The following SLC35A1 variants were observed in gnomAD, a reference collection of about 807,000 sequenced individuals.
The protein encoded by SLC35A1 is solute carrier family 35 member A1.
Under a neutral mutation model 40.3 loss-of-function variants are expected in SLC35A1, and 21 were observed. The observed-to-expected ratio is 0.52, with a 90% CI of 0.37 to 0.75. SLC35A1 has a LOEUF of 0.75. Ranked by LOEUF, SLC35A1 falls within the 30% of genes least tolerant of loss-of-function variation. The pLI is 0.00. For missense variants in SLC35A1, 297 were observed against 382.1 expected, an observed-to-expected ratio of 0.78 and a Z score of 1.86; for synonymous variants, 146 against 147.3, an observed-to-expected ratio of 0.99 and a Z score of 0.06.
chr6:87,510,998 C>T (rs975436194), intron 7 of SLC35A1, among the ~76,000 whole-genome samples: 2 of 151,976 alleles, frequency 1.3e-5, no homozygotes, highest in African/African-American at 2.4e-5. Context: ...GTCTTTTACT[C>T]TAAACTTTCA....
chr6:87,473,162 G>GT (rs1469863233), intron 1 of SLC35A1, 143 bp downstream of exon 1: 1 of 394,658 alleles, frequency 2.5e-6, no homozygotes, highest in African/African-American at 2.1e-5. Flanking sequence ...AGGAGTTTGC[G>GT]TGGAGCCGCT....
rs1770289855 is a variant in SLC35A1 at position 87,511,908 on chromosome 6, C to G, written c.*382C>G. 2 of 279,610 alleles carry G rather than the reference C, an allele frequency of 7.2e-6. No individual in the cohort carries two copies. The highest frequency in any genetic ancestry group is 1.4e-5 in the Non-Finnish European group (2 of 143,570). The allele number at this position is 279,610 out of a possible 1,614,324, so 17.3% of individuals were successfully genotyped here. On this transcript the variant is annotated 3_prime_UTR_variant, in exon 8 of 8. Coordinates refer to ENST00000369552, the MANE Select transcript of SLC35A1 (RefSeq NM_006416.5). The stretch of plus-strand genomic sequence containing the variant: ...CAAAGCCATTTCTGTACTAACTGTT[C>G]TCTTGTTCCGGTACCGGGGAGAAGG...
chr6:87,482,647 G>C (rs371293774), intron 2 of SLC35A1, among the ~76,000 whole-genome samples: 12 of 152,148 alleles, frequency 7.9e-5, no homozygotes, highest in African/African-American at 2.7e-4. Flanking sequence ...CTATCGTCCT[G>C]TCCTGAAGGG....
intron 1 of SLC35A1, among the ~76,000 whole-genome samples, chr6:87,476,556 C>A (rs938861384): frequency 6.6e-6 from 1 of 151,988 alleles, no homozygotes. Flanking sequence ...GAAACCTCTT[C>A]CCTACTAAAA....
chr6:87,500,699 G>C, intron 3 of SLC35A1, 32 bp downstream of exon 3: 1 of 1,606,532 alleles, frequency 6.2e-7, no homozygotes, highest in South Asian at 1.1e-5. Flanking sequence ...GAAAAGCACA[G>C]AATCTTTTAT....
At chr6:87,495,444 G>A (rs1769697792) in intron 2 of SLC35A1, among the ~76,000 whole-genome samples, 1 of 152,072 alleles carries the variant, frequency 6.6e-6, no homozygotes, top group South Asian at 2.1e-4. Flanking sequence ...GTATTATCTA[G>A]AGAAATTAAT....
chr6:87,479,794 G>T (rs2127963935), intron 2 of SLC35A1, among the ~76,000 whole-genome samples: 1 of 152,202 alleles, frequency 6.6e-6, no homozygotes, highest in East Asian at 1.9e-4. Flanking sequence ...TTTATTAATT[G>T]TGACCCACCA....
chr6:87,493,729 CTT>C (rs1156827112), intron 2 of SLC35A1, among the ~76,000 whole-genome samples: 1 of 152,126 alleles, frequency 6.6e-6, no homozygotes, highest in Non-Finnish European at 1.5e-5. Context: ...ATGTAGTTCT[CTT>C]TGTTTTAGTT....
chr6:87,500,137 C>G (rs538040124), intron 2 of SLC35A1, among the ~76,000 whole-genome samples: 1 of 152,158 alleles, frequency 6.6e-6, no homozygotes, highest in South Asian at 2.1e-4. Context: ...GATATGCAAA[C>G]TGATCAATTA....
chr6:87,493,536 G>A (rs1392549456), intron 2 of SLC35A1, among the ~76,000 whole-genome samples: 1 of 152,058 alleles, frequency 6.6e-6, no homozygotes, highest in Non-Finnish European at 1.5e-5. Flanking sequence ...TAACATCACT[G>A]TGTTCATTCT....
intron 2 of SLC35A1, among the ~76,000 whole-genome samples, chr6:87,477,863 C>T (rs1769120027): frequency 6.6e-6 from 1 of 152,212 alleles, no homozygotes. Flanking sequence ...AACTATGTCT[C>T]ATGGGCCAAA....
At chr6:87,505,592 A>C (rs1033329695) in intron 4 of SLC35A1, among the ~76,000 whole-genome samples, 1 of 152,198 alleles carries the variant, frequency 6.6e-6, no homozygotes, top group East Asian at 1.9e-4. Context: ...TATTTGGCCC[A>C]TGGTTCTGGA....
chr6:87,509,222 T>C (rs1770180518), intron 7 of SLC35A1, 47 bp downstream of exon 7: 1 of 1,610,458 alleles, frequency 6.2e-7, no homozygotes, highest in South Asian at 1.1e-5. Context: ...GAGCCTCCCA[T>C]TTCCTTGATT....
rs1562023416 is a variant in SLC35A1, at chr6:87,496,791, A to AAC, written c.195-3716_195-3715insCA. 2.9e-5 allele frequency among the ~76,000 whole-genome samples: 4 copies of AAC among 139,180 alleles called. 1 individual carries two copies. Among genetic ancestry groups the AAC allele is most frequent in the African/African-American group, 5.4e-5 (2 of 36,858 alleles). The allele number at this position is 139,180 out of a possible 152,430, so 91.3% of individuals were successfully genotyped here. A position where few individuals can be genotyped will look rare whatever the true frequency, so the allele number is the denominator to read the frequency against. On this transcript the variant is annotated intron_variant, in intron 2 of 7. Transcript: ENST00000369552. ...CTAGACTCCATCTCAAAAAAAAAAA[A>AAC]AAAGAAAAACCCACCAAAACAGAAA... is the stretch of plus-strand genomic sequence containing the variant.
At chr6:87,505,245 T>C (rs572961667) in intron 4 of SLC35A1, among the ~76,000 whole-genome samples, 1 of 152,200 alleles carries the variant, frequency 6.6e-6, no homozygotes, top group Admixed American at 6.5e-5. Flanking sequence ...TTGAACAAGG[T>C]ATATACTTCC....
chr6:87,497,854 G>A (rs1199850086), intron 2 of SLC35A1, among the ~76,000 whole-genome samples: 1 of 151,616 alleles, frequency 6.6e-6, no homozygotes, highest in Non-Finnish European at 1.5e-5. Context: ...TCAGCCTCCT[G>A]CGTAGCTGGG....
At chr6:87,487,838 T>G (rs1769429885) in intron 2 of SLC35A1, among the ~76,000 whole-genome samples, 1 of 152,208 alleles carries the variant, frequency 6.6e-6, no homozygotes, top group East Asian at 1.9e-4. Context: ...ATCAAATTTT[T>G]TGCCACTCTG....
intron 7 of SLC35A1, among the ~76,000 whole-genome samples, chr6:87,510,852 C>G (rs1770240822): frequency 6.8e-6 from 1 of 146,676 alleles, no homozygotes. Context: ...GCCTGGGCAA[C>G]AAAAGCGAAA....
intron 5 of SLC35A1, chr6:87,507,038 C>T (rs1455209889): frequency 1.3e-5 from 2 of 152,822 alleles, no homozygotes; most frequent in African/African-American, 4.8e-5. Context: ...GACAAGCACT[C>T]CTCCAATGCA....
Sources: gnomAD v4.1 joint callset for allele counts (sites outside exome capture counted in the v4.1 genomes callset) on GRCh38, gnomAD v4.1.1 for gene constraint, MANE v1.5 for transcripts, NCBI Gene and HGNC (gene_info 2026-07-23, HGNC 2026-07-21) for gene names.